PCDHA3: variants seen among roughly 807,000 people sequenced by gnomAD.
PCDHA3 encodes protocadherin alpha-3.
Under a neutral mutation model 62.2 loss-of-function variants are expected in PCDHA3, and 41 were observed. The observed-to-expected ratio is 0.66, with a 90% CI of 0.51 to 0.86. PCDHA3 has a LOEUF of 0.86. PCDHA3 is among the 40% of genes least tolerant of loss of function. The pLI, the probability that PCDHA3 is intolerant of heterozygous loss-of-function variation, is 0.00. For missense variants in PCDHA3, 1,304 were observed against 1,241.2 expected, an observed-to-expected ratio of 1.05 and a Z score of -0.76; for synonymous variants, 640 against 555.4, an observed-to-expected ratio of 1.15 and a Z score of -2.14.
chr5:140,933,050 C>T (rs2088825990), intron 1 of PCDHA3, among the ~76,000 whole-genome samples: 1 of 152,018 alleles, frequency 6.6e-6, no homozygotes, highest in Admixed American at 6.5e-5. Context: ...GGATTACAGT[C>T]CAGGATCCTG....
At chr5:140,862,241 T>C (rs1554155946) in intron 1 of PCDHA3, 3 of 213,712 alleles carry the variant, frequency 1.4e-5, no homozygotes, top group Non-Finnish European at 2.8e-5. Flanking sequence ...ACATCAATGA[T>C]AGTGTTCCAG....
intron 1 of PCDHA3, chr5:140,823,744 C>A (rs2150128699): frequency 1.2e-6 from 2 of 1,613,854 alleles, no homozygotes; most frequent in Non-Finnish European, 1.7e-6. Context: ...TGGAGAGCCC[C>A]CGCTGACAGC....
chr5:140,801,731 T>C lies in PCDHA3; in HGVS notation c.534T>C (p.Phe178=). Reference sequence around the variant, plus strand: ...ACAGTCTTGATTCCACTGAATATTTTACCTTGGACGTTAAAAGAAATGATG... The same window carrying C: ...ACAGTCTTGATTCCACTGAATATTTCACCTTGGACGTTAAAAGAAATGATG... The part of the protein sequence containing the change: ...LTYSLDSTEY[F]TLDVKRNDEE... The change falls in exon 1 of 4, where the codon TTT becomes TTC. Residue 178 remains phenylalanine (F), a synonymous_variant. Coordinates refer to ENST00000522353, the MANE Select transcript of PCDHA3 (RefSeq NM_018906.3). 1 of 1,614,130 alleles carries C rather than the reference T, an allele frequency of 6.2e-7. No homozygotes were observed. Among genetic ancestry groups the C allele is most frequent in the South Asian group, 1.1e-5 (1 of 91,060 alleles).
chr5:140,854,108 AC>A lies in PCDHA3; in HGVS notation c.2394+50518del, dbSNP rs1233972098. The A allele has an allele frequency of 1.0e-4, 31 of 299,428 alleles. 3 individuals are homozygous for A. Among genetic ancestry groups the A allele is most frequent in the Non-Finnish European group, 1.4e-4 (30 of 208,480 alleles). The allele number at this position is 299,428 out of a possible 1,614,324, so 18.5% of individuals were successfully genotyped here. A position where few individuals can be genotyped will look rare whatever the true frequency, so the allele number is the denominator to read the frequency against. On this transcript the variant is annotated intron_variant, in intron 1 of 3. Transcript: ENST00000522353. ...GCCTGGGACATTGAGGCTGCAGTGA[AC>A]TGTGATGGCACAACTGCATTTCAGC...
In PCDHA3 at chr5:140,853,541, G is replaced by C. The variant is rs1554146703; in HGVS notation, c.2394+49950G>C. On this transcript the variant is annotated intron_variant, in intron 1 of 3. Coordinates refer to ENST00000522353, the MANE Select transcript of PCDHA3 (RefSeq NM_018906.3). Reference sequence around the variant, plus strand: ...CTCCTCCTATGTCTCTTTTCAAGTTGTAATTACTATATAGGAAAAACTAAG... The same window carrying C: ...CTCCTCCTATGTCTCTTTTCAAGTTCTAATTACTATATAGGAAAAACTAAG... 3 of 979,204 alleles carry C rather than the reference G, an allele frequency of 3.1e-6. 1 individual carries two copies. The highest frequency in any genetic ancestry group is 3.7e-6 in the Non-Finnish European group (3 of 812,050). 60.7% of individuals were successfully genotyped at this position (979,204 alleles called of 1,614,324 possible). A position where few individuals can be genotyped will look rare whatever the true frequency, so the allele number is the denominator to read the frequency against.
chr5:140,855,965 A>G (rs2043700176), intron 1 of PCDHA3: 1 of 1,417,586 alleles, frequency 7.1e-7, no homozygotes, highest in Non-Finnish European at 9.6e-7. Flanking sequence ...AAAAATAGAT[A>G]TAAGAAATAG....
chr5:140,808,970 C>G, intron 1 of PCDHA3: 1 of 1,613,572 alleles, frequency 6.2e-7, no homozygotes, highest in Non-Finnish European at 8.5e-7. Flanking sequence ...GGCAAAGGTG[C>G]GCGCGGTGGA....
chr5:140,819,051 C>T (rs2150103040), intron 1 of PCDHA3, among the ~76,000 whole-genome samples: 2 of 152,250 alleles, frequency 1.3e-5, no homozygotes, highest in South Asian at 4.1e-4. Context: ...GGCAGTTATA[C>T]CTTCCTCTGT....
At chr5:140,884,329 G>T (rs782258780) in intron 1 of PCDHA3, 1 of 1,613,760 alleles carries the variant, frequency 6.2e-7, no homozygotes, top group Non-Finnish European at 8.5e-7. Flanking sequence ...CAGGCGCTGT[G>T]GGTCCAGAAG....
chr5:140,872,667 A>G (rs2053828539), intron 1 of PCDHA3, among the ~76,000 whole-genome samples: 1 of 152,186 alleles, frequency 6.6e-6, no homozygotes, highest in African/African-American at 2.4e-5. Flanking sequence ...CAACTATTGG[A>G]TACTCAAACA....
At chr5:140,869,231 C>T (rs781820629) in intron 1 of PCDHA3, 29 of 1,613,712 alleles carry the variant, frequency 1.8e-5, no homozygotes, top group Non-Finnish European at 2.3e-5. Context: ...AAACACGGCA[C>T]CTTCGTGGGC....
rs2150418084 is a variant in PCDHA3 at position 140,848,701 on chromosome 5, A to G, written c.2394+45110A>G. The G allele has an allele frequency of 3.1e-6, 5 of 1,592,360 alleles. 1 individual carries two copies. In the South Asian group the frequency reaches 4.4e-5, roughly 14 times the overall value. On this transcript the variant is annotated intron_variant, in intron 1 of 3. Transcript: ENST00000522353. Reference sequence around the variant, plus strand: ...CCGCGCCTGTTCCAGTTGGATTCCAAAGGCCGCGGGGACCTTCTGGAGGTA... The same window carrying G: ...CCGCGCCTGTTCCAGTTGGATTCCAGAGGCCGCGGGGACCTTCTGGAGGTA...
chr5:140,857,478 C>G (rs782202072), intron 1 of PCDHA3: 1 of 1,598,590 alleles, frequency 6.3e-7, no homozygotes, highest in Non-Finnish European at 8.6e-7. Context: ...TTCACGGTGT[C>G]TGCGTGGGAC....
At chr5:140,837,594 T>C (rs910412595) in intron 1 of PCDHA3, among the ~76,000 whole-genome samples, 2 of 151,720 alleles carry the variant, frequency 1.3e-5, no homozygotes, top group Admixed American at 6.6e-5. Flanking sequence ...AAATCGCCAA[T>C]ATATATATTT....
At chr5:140,997,688 G>C (rs1232415745) in intron 3 of PCDHA3, among the ~76,000 whole-genome samples, 1 of 151,990 alleles carries the variant, frequency 6.6e-6, no homozygotes, top group Non-Finnish European at 1.5e-5. Context: ...GTGTGTGTGT[G>C]TGTGTGTGTA....
At chr5:140,912,613 T>C in intron 1 of PCDHA3, among the ~76,000 whole-genome samples, 1 of 152,290 alleles carries the variant, frequency 6.6e-6, no homozygotes, top group Middle Eastern at 3.4e-3. Flanking sequence ...TCTTGTCTGA[T>C]TACTCTGGAT....
intron 3 of PCDHA3, among the ~76,000 whole-genome samples, chr5:141,007,379 C>G (rs1178671835): frequency 7.1e-6 from 1 of 139,926 alleles, no homozygotes; most frequent in Non-Finnish European, 1.5e-5. Flanking sequence ...GATGGAACAC[C>G]ATCTCTACTA....
At chr5:140,835,480 G>A (rs1343566248) in intron 1 of PCDHA3, 1 of 1,613,772 alleles carries the variant, frequency 6.2e-7, no homozygotes, top group Non-Finnish European at 8.5e-7. Flanking sequence ...GCCCAACCAG[G>A]TACCGTCATC....
rs978053855 is a variant in PCDHA3 at position 141,009,492 on chromosome 5, A to T, written c.2543-135A>T. 4 of 1,478,558 alleles carry T rather than the reference A, an allele frequency of 2.7e-6. No individual in the cohort carries two copies. In the African/African-American group the frequency reaches 5.6e-5, roughly 21 times the overall value. The allele number at this position is 1,478,558 out of a possible 1,614,324, so 91.6% of individuals were successfully genotyped here. ...ATAAGTAAACACTTGCCTTGCCCTCAGACTTGAACAAACAACTCGTGATTT... is the reference window on the plus strand; with the variant it reads ...ATAAGTAAACACTTGCCTTGCCCTCTGACTTGAACAAACAACTCGTGATTT... On this transcript the variant is annotated intron_variant, in intron 3 of 3. Coordinates refer to ENST00000522353, the MANE Select transcript of PCDHA3 (RefSeq NM_018906.3).
Sources: gnomAD v4.1 joint callset for allele counts (sites outside exome capture counted in the v4.1 genomes callset) on GRCh38, gnomAD v4.1.1 for gene constraint, MANE v1.5 for transcripts, NCBI Gene and HGNC (gene_info 2026-07-23, HGNC 2026-07-21) for gene names.